The following NME8 variants were observed in gnomAD, a reference collection of about 807,000 sequenced individuals.
NME8 encodes protein NME8.
A neutral mutation model predicts 82.3 loss-of-function variants in NME8; 72 were observed. That is an observed-to-expected ratio of 0.87 (90% confidence interval 0.72 to 1.06). The LOEUF (loss-of-function observed/expected upper bound fraction) is 1.06. Among genes scored for constraint, NME8 ranks in the 50% least tolerant of loss-of-function variants. The pLI, the probability that NME8 is intolerant of heterozygous loss-of-function variation, is 0.00. For synonymous variants in NME8, 267 were observed against 228.5 expected, an observed-to-expected ratio of 1.17 and a Z score of -1.52; for missense variants, 712 against 685.4, an observed-to-expected ratio of 1.04 and a Z score of -0.43.
At chr7:37,862,878 G>A (rs948879415) in intron 7 of NME8, among the ~76,000 whole-genome samples, 4 of 152,008 alleles carry the variant, frequency 2.6e-5, no homozygotes, top group African/African-American at 4.8e-5. Flanking sequence ...CCAGCACTTC[G>A]GGAGGCCAAG....
chr7:37,863,166 T>C (rs1179016277), intron 7 of NME8, among the ~76,000 whole-genome samples: 1 of 152,154 alleles, frequency 6.6e-6, no homozygotes, highest in East Asian at 1.9e-4. Context: ...TGCTACCCTT[T>C]TCATACTGCA....
intron 15 of NME8, among the ~76,000 whole-genome samples, chr7:37,893,698 A>T (rs1785170971): frequency 6.6e-6 from 1 of 152,114 alleles, no homozygotes; most frequent in Non-Finnish European, 1.5e-5. Flanking sequence ...GACCTTATAT[A>T]TTACTCTATA....
intron 6 of NME8, among the ~76,000 whole-genome samples, chr7:37,859,256 G>A (rs557328955): frequency 3.3e-5 from 5 of 152,224 alleles, no homozygotes; most frequent in African/African-American, 9.6e-5. Flanking sequence ...TCTAATGCCT[G>A]CAATCAGTGC....
intron 12 of NME8, among the ~76,000 whole-genome samples, chr7:37,882,462 G>T (rs1219653792): frequency 6.6e-6 from 1 of 151,300 alleles, no homozygotes; most frequent in Non-Finnish European, 1.5e-5. Flanking sequence ...ACCCCAGCCT[G>T]GGCGACAGAG....
At chr7:37,856,121 A>C (rs571107660) in intron 5 of NME8, among the ~76,000 whole-genome samples, 60 of 152,274 alleles carry the variant, frequency 3.9e-4, no homozygotes, top group Non-Finnish European at 8.2e-4. Context: ...TCTGGATCTC[A>C]AGGTGTTAGT....
intron 12 of NME8, among the ~76,000 whole-genome samples, chr7:37,880,094 T>A (rs1784919816): frequency 6.6e-6 from 1 of 152,152 alleles, no homozygotes; most frequent in Non-Finnish European, 1.5e-5. Flanking sequence ...TTTGTTTGTT[T>A]ATTTTGAATA....
intron 15 of NME8, 75 bp from the exon 16 acceptor site, chr7:37,894,391 A>T: frequency 7.0e-7 from 1 of 1,421,258 alleles, no homozygotes; most frequent in Non-Finnish European, 9.9e-7. Flanking sequence ...CATTTTCCTT[A>T]GTTATTTCAG....
chr7:37,855,027 C>T (rs1784491699), intron 5 of NME8, among the ~76,000 whole-genome samples: 1 of 152,134 alleles, frequency 6.6e-6, no homozygotes, highest in African/African-American at 2.4e-5. Context: ...GGTTCTCTTC[C>T]ATAGCACTGA....
At chr7:37,883,621 T>A (rs564228147) in intron 12 of NME8, among the ~76,000 whole-genome samples, 1 of 152,312 alleles carries the variant, frequency 6.6e-6, no homozygotes, top group South Asian at 2.1e-4. Context: ...ATCATGTCCC[T>A]CAAACATTCA....
At chr7:37,893,504 ACTT>A (rs1448695962) in intron 15 of NME8, among the ~76,000 whole-genome samples, 4 of 151,992 alleles carry the variant, frequency 2.6e-5, no homozygotes, top group Non-Finnish European at 4.4e-5. Flanking sequence ...TCACCCAGTC[ACTT>A]CTTCCTGCCC....
At chr7:37,894,436 G>A (rs1785185236) in intron 15 of NME8, 30 bp from the exon 16 acceptor site, 1 of 1,602,982 alleles carries the variant, frequency 6.2e-7, no homozygotes, top group East Asian at 2.2e-5. Context: ...GAAGCAATCT[G>A]CAATATTATC....
At chr7:37,882,084 A>G (rs747796499) in intron 12 of NME8, among the ~76,000 whole-genome samples, 7 of 152,086 alleles carry the variant, frequency 4.6e-5, no homozygotes, top group Non-Finnish European at 8.8e-5. Flanking sequence ...TTTTTGCTCA[A>G]TTGTTTTTCA....
chr7:37,850,378 A>G lies in NME8; in HGVS notation c.34A>G (p.Thr12Ala), dbSNP rs750902815. 11 of 1,614,046 alleles carry G rather than the reference A, an allele frequency of 6.8e-6. No individual in the cohort carries two copies. Among genetic ancestry groups the G allele is most frequent in the Non-Finnish European group, 9.3e-6 (11 of 1,180,004 alleles). ...ASKKREVQLQ[T>A]VINNQSLWDE... ...TTTTACAGTGCCTTCCACTTTGCAG[A>G]CAGTCATCAATAATCAAAGCCTGTG... The change falls in exon 4 of 18, where the codon ACA becomes GCA. Residue 12 changes from threonine (T) to alanine (A), a missense_variant and splice_region_variant. Thr to Ala is a moderately conservative substitution (Grantham distance 58). Transcript: ENST00000199447.
intron 14 of NME8, among the ~76,000 whole-genome samples, chr7:37,887,796 G>A (rs1289326482): frequency 2.0e-5 from 3 of 152,124 alleles, no homozygotes; most frequent in African/African-American, 7.2e-5. Flanking sequence ...CTCTTCACAG[G>A]GTGGCAGGAG....
intron 11 of NME8, among the ~76,000 whole-genome samples, chr7:37,870,457 T>C (rs1324482865): frequency 1.3e-5 from 2 of 151,508 alleles, no homozygotes; most frequent in Non-Finnish European, 2.9e-5. Context: ...GGTGTGGTGG[T>C]GCATGCCTGT....
At chr7:37,873,718 G>A (rs1784806495) in intron 11 of NME8, among the ~76,000 whole-genome samples, 1 of 152,204 alleles carries the variant, frequency 6.6e-6, no homozygotes, top group South Asian at 2.1e-4. Context: ...TTGATTCTAT[G>A]TAGAGCACCA....
At chr7:37,894,737 A>C in intron 16 of NME8, 127 bp downstream of exon 16, 1 of 967,140 alleles carries the variant, frequency 1.0e-6, no homozygotes, top group Non-Finnish European at 1.5e-6. Context: ...CATTCTGCTA[A>C]CATTCATGGT....
At chr7:37,883,903 A>G (rs1785001420) in intron 12 of NME8, among the ~76,000 whole-genome samples, 1 of 152,180 alleles carries the variant, frequency 6.6e-6, no homozygotes, top group Non-Finnish European at 1.5e-5. Flanking sequence ...GTTATTGAAC[A>G]TAAAAATTAT....
At chr7:37,874,481 G>A (rs112720692) in intron 11 of NME8, among the ~76,000 whole-genome samples, 3,098 of 152,228 alleles carry the variant, frequency 0.02, 43 homozygotes, top group Non-Finnish European at 0.019. Context: ...TGGGACATAC[G>A]CATCTGACAA....
Sources: gnomAD v4.1 joint callset for allele counts (sites outside exome capture counted in the v4.1 genomes callset) on GRCh38, gnomAD v4.1.1 for gene constraint, MANE v1.5 for transcripts, NCBI Gene and HGNC (gene_info 2026-07-23, HGNC 2026-07-21) for gene names.